GALK1: variants seen among roughly 807,000 people sequenced by gnomAD.
The protein encoded by GALK1 is galactokinase.
GALK1 carries 30 observed loss-of-function variants against 38.6 expected under a neutral mutation model. The observed-to-expected ratio is 0.78, with a 90% confidence interval of 0.58 to 1.05. GALK1 has a LOEUF of 1.05. Ranked by LOEUF, GALK1 falls within the 50% of genes least tolerant of loss-of-function variation. GALK1 has a pLI of 0.00. For synonymous variants in GALK1, 240 were observed against 233.6 expected (o/e 1.03, Z -0.25); for missense variants, 512 against 540.5 (o/e 0.95, Z 0.52).
chr17:75,763,574 C>T, intron 2 of GALK1, 135 bp from the exon 3 acceptor site: 3 of 1,027,080 alleles, frequency 2.9e-6, no homozygotes, highest in South Asian at 1.5e-5. Flanking sequence ...TGTCAGAAGC[C>T]ACCAACCTGC....
At chr17:75,755,394 C>T (rs2061473887), downstream of GALK1, among the ~76,000 whole-genome samples, 1 of 152,196 alleles carries the variant, frequency 6.6e-6, no homozygotes, top group Non-Finnish European at 1.5e-5. Context: ...TCTGCCTCTG[C>T]CCTCCCAGGG....
Position 75,757,989 on chromosome 17 carries a change from C to T in GALK1, c.*67G>A, listed in dbSNP as rs2061559117. On this transcript the variant is annotated 3_prime_UTR_variant, in exon 8 of 8. Transcript: ENST00000588479. The stretch of plus-strand genomic sequence containing the variant: ...AGCACCCGGATATGGAAGATGGCAC[C>T]GGGCACAGAGCCGTGGGACTGGCCT... 2.9e-5 allele frequency: 45 copies of T among 1,555,318 alleles called. No individual in the cohort carries two copies. Among genetic ancestry groups the T allele is most frequent in the East Asian group, 1.6e-4 (7 of 44,338 alleles).
At chr17:75,755,032 A>T (rs1201026177), downstream of GALK1, 13 of 1,586,288 alleles carry the variant, frequency 8.2e-6, no homozygotes, top group Non-Finnish European at 1.0e-5. Flanking sequence ...TGCTCCTCTC[A>T]CTCTTGTTTT....
At position 75,765,146 on chromosome 17, in the gene GALK1, CT is replaced by C; in HGVS notation, c.-11del. The C allele has an allele frequency of 2.6e-6, 4 of 1,547,700 alleles. No individual in the cohort carries two copies. Among genetic ancestry groups the C allele is most frequent in the Non-Finnish European group, 3.5e-6 (4 of 1,149,150 alleles). ...GTCTCAAAGCAGCCATGACGCGCGC[CT>C]GCAGCTCTGCACAGCTGCTCCGGCA... On this transcript the variant is annotated 5_prime_UTR_variant, in exon 1 of 8. Coordinates refer to ENST00000588479, the MANE Select transcript of GALK1 (RefSeq NM_000154.2).
In GALK1 at chr17:75,759,284, C is replaced by T. The variant is rs563836743; in HGVS notation, c.794-685G>A. 4.0e-4 allele frequency among the ~76,000 whole-genome samples: 61 copies of T among 152,090 alleles called. 1 individual carries two copies. The highest frequency in any genetic ancestry group is 5.9e-4 in the Non-Finnish European group (40 of 67,990). On this transcript the variant is annotated intron_variant, in intron 5 of 7. Coordinates refer to ENST00000588479, the MANE Select transcript of GALK1 (RefSeq NM_000154.2). The stretch of plus-strand genomic sequence containing the variant: ...CTCTACTAAAAATACAAAAGTTAGC[C>T]GGGCATCGTGGCAGGCGCCTGTAAT...
intron 5 of GALK1, among the ~76,000 whole-genome samples, chr17:75,759,853 G>A (rs2061580029): frequency 6.6e-6 from 1 of 152,182 alleles, no homozygotes; most frequent in Admixed American, 6.5e-5. Flanking sequence ...ACAACTCAGT[G>A]TGGGCAGCAC....
At chr17:75,762,599 G>A in intron 5 of GALK1, 105 bp downstream of exon 5, 2 of 1,230,934 alleles carry the variant, frequency 1.6e-6, no homozygotes, top group Non-Finnish European at 1.2e-6. Flanking sequence ...GGAGAGCATG[G>A]CAGAAGGCCC....
chr17:75,762,592 G>T, intron 5 of GALK1, 112 bp downstream of exon 5: 1 of 1,142,062 alleles, frequency 8.8e-7, no homozygotes, highest in Non-Finnish European at 1.3e-6. Flanking sequence ...GGACTGGGGA[G>T]AGCATGGCAG....
intron 1 of GALK1, 107 bp downstream of exon 1, chr17:75,764,865 C>T (rs1001190932): frequency 1.6e-6 from 2 of 1,271,364 alleles, no homozygotes; most frequent in African/African-American, 1.5e-5. Flanking sequence ...GCTGCCCGCC[C>T]CACATCTCCC....
At chr17:75,757,625 G>A (rs750173592), downstream of GALK1, 5 of 1,598,740 alleles carry the variant, frequency 3.1e-6, no homozygotes, top group Non-Finnish European at 4.3e-6. Flanking sequence ...AGCCTCCTCA[G>A]CTACTCCATC....
At chr17:75,757,411 C>G, downstream of GALK1, 1 of 1,613,146 alleles carries the variant, frequency 6.2e-7, no homozygotes, top group Non-Finnish European at 8.5e-7. Flanking sequence ...CCTCCTCCTC[C>G]ACAGATGGGC....
At chr17:75,764,638 A>G (rs2143607025) in intron 1 of GALK1, 2 of 485,030 alleles carry the variant, frequency 4.1e-6, no homozygotes, top group South Asian at 3.9e-5. Flanking sequence ...CGGTGGCCGG[A>G]GGCGCGGAGT....
downstream of GALK1, chr17:75,756,822 C>G: frequency 6.2e-7 from 1 of 1,612,446 alleles, no homozygotes; most frequent in Non-Finnish European, 8.5e-7. Flanking sequence ...GGGATATCGT[C>G]GGCTACCTGG....
Position 75,765,116 on chromosome 17 carries a change from G to T in GALK1, c.21C>A (p.Pro7=). MAALRQ[P]QVAELLAEAR... ...CCTCGGCCAGCAGCTCCGCGACCTG[G>T]GGCTGTCTCAAAGCAGCCATGACGC... The change falls in exon 1 of 8, where the codon CCC becomes CCA. Residue 7 remains proline, a synonymous_variant. Transcript: ENST00000588479. 6 of 1,580,690 alleles carry T rather than the reference G, an allele frequency of 3.8e-6. No homozygotes were observed. The highest frequency in any genetic ancestry group is 4.3e-6 in the Non-Finnish European group (5 of 1,165,016).
intron 8 of GALK1, chr17:75,752,444 A>C: frequency 2.5e-6 from 4 of 1,613,330 alleles, no homozygotes; most frequent in Non-Finnish European, 3.4e-6. Flanking sequence ...CCTGCCCTGC[A>C]GTCCCCATCA....
chr17:75,762,149 C>T (rs1021783393), intron 5 of GALK1, among the ~76,000 whole-genome samples: 2 of 152,134 alleles, frequency 1.3e-5, no homozygotes, highest in African/African-American at 4.8e-5. Flanking sequence ...CACTGCAAGA[C>T]CGTCTTTACA....
In GALK1 at chr17:75,764,063, C is replaced by G; in HGVS notation, c.189G>C (p.Leu63=). 1 of 1,588,972 alleles carries G rather than the reference C, an allele frequency of 6.3e-7. No individual in the cohort carries two copies. The highest frequency in any genetic ancestry group is 8.5e-7 in the Non-Finnish European group (1 of 1,170,302). The change falls in exon 2 of 8, where the codon CTG becomes CTC. Residue 63 remains leucine (L), a synonymous_variant. Transcript: ENST00000588479. ...GCCCATCCTTGCGGGGGCTGCCCACCAGCACCGTCATGAGCTCCAGAGCCT... is the reference window on the plus strand; with the variant it reads ...GCCCATCCTTGCGGGGGCTGCCCACGAGCACCGTCATGAGCTCCAGAGCCT... ...LPMALELMTV[L]VGSPRKDGLV...
downstream of GALK1, chr17:75,757,050 A>C: frequency 1.2e-6 from 2 of 1,612,686 alleles, no homozygotes; most frequent in Non-Finnish European, 1.7e-6. Context: ...GGCCAGGACC[A>C]CTGAGGGCTT....
At chr17:75,754,504 A>G, downstream of GALK1, 1 of 1,599,192 alleles carries the variant, frequency 6.3e-7, no homozygotes, top group Non-Finnish European at 8.5e-7. Context: ...AGGAATGTGC[A>G]GGGCCCAGCC....
Sources: allele counts gnomAD v4.1 joint callset (sites outside exome capture counted in the v4.1 genomes callset), GRCh38; gene constraint gnomAD v4.1.1; transcripts MANE v1.5; gene names NCBI Gene and HGNC (gene_info 2026-07-23, HGNC 2026-07-21).